Variants in SCARB1 observed in about 807,000 individuals in gnomAD.
SCARB1 encodes CD36 and LIMPII analogous 1.
A neutral mutation model predicts 57.2 loss-of-function variants in SCARB1; 30 were observed. That is an observed-to-expected ratio of 0.52 (90% CI 0.39 to 0.71). The LOEUF (loss-of-function observed/expected upper bound fraction) is 0.71, where lower values mean the gene tolerates loss of function less well. Ranked by LOEUF, SCARB1 falls within the 30% of genes least tolerant of loss-of-function variation. The pLI, the probability that SCARB1 is intolerant of heterozygous loss-of-function variation, is 0.00. For synonymous variants in SCARB1, 249 were observed against 268.3 expected, an observed-to-expected ratio of 0.93 and a Z score of 0.70; for missense variants, 543 against 671.2, an observed-to-expected ratio of 0.81 and a Z score of 2.11.
intron 1 of SCARB1, among the ~76,000 whole-genome samples, chr12:124,832,929 G>C (rs1566221558): frequency 6.6e-6 from 1 of 151,798 alleles, no homozygotes; most frequent in African/African-American, 2.4e-5. Context: ...AGTCCAAACT[G>C]GGACTGCCCC....
intron 7 of SCARB1, among the ~76,000 whole-genome samples, chr12:124,806,464 G>A (rs919121926): frequency 1.3e-5 from 2 of 152,164 alleles, no homozygotes; most frequent in African/African-American, 2.4e-5. Context: ...ACGAGAAGAT[G>A]TTACGTAACA....
At chr12:124,819,324 G>A (rs1448830374) in intron 1 of SCARB1, among the ~76,000 whole-genome samples, 1 of 152,158 alleles carries the variant, frequency 6.6e-6, no homozygotes, top group Non-Finnish European at 1.5e-5. Context: ...CTCCCTGTGT[G>A]GCTGAGTGAG....
Position 124,817,785 on chromosome 12 carries a change from T to A in SCARB1, c.127-78A>T, listed in dbSNP as rs1018002062. On this transcript the variant is annotated intron_variant, in intron 1 of 12. Coordinates refer to ENST00000261693, the MANE Select transcript of SCARB1 (RefSeq NM_005505.5). This position sits in a 1 kb window ranked among gnomAD's most constrained non-coding sequence, Gnocchi z 4.8. ...CCCCACCACAAGGCTCCGGAACAGC[T>A]GCCCGAGCCCGGCCAGGGAAGGGGC... 1 of 1,531,086 alleles carries A rather than the reference T, an allele frequency of 6.5e-7. No individual in the cohort carries two copies. Among genetic ancestry groups the A allele is most frequent in the African/African-American group, 1.4e-5 (1 of 73,362 alleles). The allele number at this position is 1,531,086 out of a possible 1,614,324, so 94.8% of individuals were successfully genotyped here.
Position 124,807,482 on chromosome 12 carries a change from C to T in SCARB1, c.1009+279G>A, listed in dbSNP as rs1442811390. Among the ~76,000 whole-genome samples the T allele has an allele frequency of 2.6e-5, 4 of 152,158 alleles. No homozygotes were observed. The highest frequency in any genetic ancestry group is 2.0e-4 in the Admixed American group (3 of 15,280). On this transcript the variant is annotated intron_variant, in intron 7 of 12. Transcript: ENST00000261693. This position sits in a 1 kb window ranked among gnomAD's most constrained non-coding sequence, Gnocchi z 5.3. Reference sequence around the variant, plus strand: ...GAACACAGCCGCCTTGTTCTGAGCGCGGTGAGACCCACGCAGACTTCTGAC... The same window carrying T: ...GAACACAGCCGCCTTGTTCTGAGCGTGGTGAGACCCACGCAGACTTCTGAC...
At chr12:124,795,163 C>A in intron 9 of SCARB1, 32 bp downstream of exon 9, 1 of 1,565,778 alleles carries the variant, frequency 6.4e-7, no homozygotes, top group Non-Finnish European at 8.8e-7. Context: ...TCTCAATGAG[C>A]AATGCAGCCC....
At chr12:124,804,107 C>T (rs1172773235) in intron 7 of SCARB1, among the ~76,000 whole-genome samples, 1 of 152,160 alleles carries the variant, frequency 6.6e-6, no homozygotes, top group Non-Finnish European at 1.5e-5. Context: ...TGGGGCCGGC[C>T]CACCCAGGAG....
intron 1 of SCARB1, among the ~76,000 whole-genome samples, chr12:124,844,754 G>A (rs1952071432): frequency 6.6e-6 from 1 of 151,982 alleles, no homozygotes; most frequent in Admixed American, 6.6e-5. Flanking sequence ...CTCCAGAACT[G>A]TACGGGAATA....
At position 124,817,020 on chromosome 12, in the gene SCARB1, ATGTGTGTGTGTGTGTG is replaced by A. The variant is rs71092225; in HGVS notation, c.284+514_284+529del. ...GGTCGGTCCCTGCTCCTGGTCATGC[ATGTGTGTGTGTGTGTG>A]TGTGTGTGTGTGTATGTGTGTATGC... is the stretch of plus-strand genomic sequence containing the variant. On this transcript the variant is annotated intron_variant, in intron 2 of 12. Transcript: ENST00000261693. The surrounding 1 kb of genome is among the most constrained non-coding windows in gnomAD (Gnocchi z 4.8). Among the ~76,000 whole-genome samples, 5,059 of 146,154 alleles carry A rather than the reference ATGTGTGTGTGTGTGTG, an allele frequency of 0.035. 328 individuals carry two copies. Among genetic ancestry groups the A allele is most frequent in the African/African-American group, 0.12 (4,730 of 39,728 alleles).
chr12:124,835,418 C>T (rs906823287), intron 1 of SCARB1, among the ~76,000 whole-genome samples: 1 of 151,986 alleles, frequency 6.6e-6, no homozygotes, highest in Non-Finnish European at 1.5e-5. Context: ...TGTCACCATA[C>T]TCAGCTAATT....
At chr12:124,849,144 C>T (rs972361135) in intron 1 of SCARB1, among the ~76,000 whole-genome samples, 7 of 152,246 alleles carry the variant, frequency 4.6e-5, no homozygotes, top group African/African-American at 9.6e-5. Context: ...TGAACCTGGG[C>T]TGCCTGCCTT....
intron 1 of SCARB1, among the ~76,000 whole-genome samples, chr12:124,827,310 T>G (rs143118781): frequency 6.6e-6 from 1 of 152,170 alleles, no homozygotes; most frequent in Non-Finnish European, 1.5e-5. Context: ...GGAACGTGAC[T>G]GGGGGCTACA....
Position 124,863,671 on chromosome 12 carries a change from G to A in SCARB1, c.50C>T (p.Ala17Val). The change falls in exon 1 of 13, where the codon GCG (alanine) becomes GTG (valine). Residue 17 changes from alanine (A) to valine (V), a missense_variant. Physicochemically the swap from Ala to Val is moderately conservative, Grantham distance 64. Transcript: ENST00000261693. ...GCCCAGCACAGCGCACAGTAGCCCC[G>A]CGACGCCCAGCGCCCCGGCAGCCCA... Reference protein sequence around the residue: ...ARWAAGALGVAGLLCAVLGAV... With the variant: ...ARWAAGALGVVGLLCAVLGAV... The A allele has an allele frequency of 3.2e-6, 5 of 1,565,656 alleles. No individual in the cohort carries two copies. Among genetic ancestry groups the A allele is most frequent in the South Asian group, 1.2e-5 (1 of 85,274 alleles).
intron 1 of SCARB1, among the ~76,000 whole-genome samples, chr12:124,853,679 G>C (rs906007781): frequency 6.6e-6 from 1 of 152,178 alleles, no homozygotes; most frequent in Non-Finnish European, 1.5e-5. Context: ...ACAGGCATGA[G>C]CCACTGTGCC....
intron 1 of SCARB1, among the ~76,000 whole-genome samples, chr12:124,844,980 C>T (rs971577873): frequency 2.0e-5 from 3 of 152,038 alleles, no homozygotes; most frequent in African/African-American, 7.2e-5. Context: ...CAGCAGGAGG[C>T]AGGGCCGGGA....
At chr12:124,805,498 G>C (rs972925821) in intron 7 of SCARB1, among the ~76,000 whole-genome samples, 7 of 152,184 alleles carry the variant, frequency 4.6e-5, no homozygotes, top group Non-Finnish European at 8.8e-5. Context: ...CCAGGGCCAT[G>C]GTGGGAGTTT....
Position 124,785,962 on chromosome 12 carries a change from G to GC in SCARB1, c.1401+394dup, listed in dbSNP as rs1175965476. The GC allele has an allele frequency of 6.1e-6, 7 of 1,138,996 alleles. No individual in the cohort carries two copies. In the South Asian group the frequency reaches 6.7e-5, roughly 11 times the overall value. 70.6% of individuals were successfully genotyped at this position (1,138,996 alleles called of 1,614,324 possible). ...ATCTGTCTCCCCGGCTGGGATGCCA[G>GC]CCCCCCTCAATCCCCCTGAGCAGGG... On this transcript the variant is annotated intron_variant, in intron 11 of 12. Coordinates refer to ENST00000261693, the MANE Select transcript of SCARB1 (RefSeq NM_005505.5).
In SCARB1 at chr12:124,812,095, G is replaced by T; in HGVS notation, c.631-130C>A. The T allele has an allele frequency of 1.4e-6, 1 of 733,136 alleles. No individual in the cohort carries two copies. The highest frequency in any genetic ancestry group is 2.4e-6 in the Non-Finnish European group (1 of 408,986). The allele number at this position is 733,136 out of a possible 1,614,324, so 45.4% of individuals were successfully genotyped here. Reference sequence around the variant, plus strand: ...CAGGGCCCCCAGCATCTGGTTCACTGCCAAATGCCCAGTGTCTGGGGACCG... The same window carrying T: ...CAGGGCCCCCAGCATCTGGTTCACTTCCAAATGCCCAGTGTCTGGGGACCG... On this transcript the variant is annotated intron_variant, in intron 4 of 12. Transcript: ENST00000261693. The surrounding 1 kb of genome is among the most constrained non-coding windows in gnomAD (Gnocchi z 4.3).
rs530874533 is a variant in SCARB1, at chr12:124,819,747, C to T, written c.127-2040G>A. ...CAGCCAGAACCAACAGGCAGAGGCT[C>T]TACAGGAGGCAGACAGCTGAGCTGG... On this transcript the variant is annotated intron_variant, in intron 1 of 12. Transcript: ENST00000261693. Among the ~76,000 whole-genome samples, 5 of 152,382 alleles carry T rather than the reference C, an allele frequency of 3.3e-5. No individual in the cohort carries two copies. The East Asian group carries it at 7.7e-4, about 23-fold the overall frequency.
At chr12:124,793,440 T>C (rs1470751187) in intron 9 of SCARB1, among the ~76,000 whole-genome samples, 1 of 151,788 alleles carries the variant, frequency 6.6e-6, no homozygotes, top group East Asian at 1.9e-4. Flanking sequence ...ACGCCTGTAA[T>C]CCCAGCACTT....
Sources: allele counts gnomAD v4.1 joint callset (sites outside exome capture counted in the v4.1 genomes callset), GRCh38; gene constraint gnomAD v4.1.1; non-coding constraint Gnocchi (gnomAD v3.1); transcripts MANE v1.5; gene names NCBI Gene and HGNC (gene_info 2026-07-23, HGNC 2026-07-21).